CDC14A: variants seen among roughly 807,000 people sequenced by gnomAD.
The protein encoded by CDC14A is dual specificity protein phosphatase CDC14A.
A neutral mutation model predicts 74.4 loss-of-function variants in CDC14A; 53 were observed. The ratio of observed to expected loss-of-function variants is 0.71; its 90% CI spans 0.57 to 0.89. CDC14A has a LOEUF of 0.89. CDC14A is among the 40% of genes least tolerant of loss of function. The pLI is 0.00. For missense variants in CDC14A, 646 were observed against 713.7 expected, an observed-to-expected ratio of 0.91 and a Z score of 1.08; for synonymous variants, 247 against 258.4, an observed-to-expected ratio of 0.96 and a Z score of 0.43.
chr1:100,392,988 T>C, intron 4 of CDC14A: 1 of 1,209,698 alleles, frequency 8.3e-7, no homozygotes, highest in East Asian at 2.4e-5. Context: ...AAAGTTCAGA[T>C]GCCTTTTGTG....
chr1:100,440,369 C>T (rs1436579006), intron 6 of CDC14A, among the ~76,000 whole-genome samples: 1 of 152,034 alleles, frequency 6.6e-6, no homozygotes, highest in Non-Finnish European at 1.5e-5. Context: ...TTGGTCCCAC[C>T]CCAGACCCAC....
intron 4 of CDC14A, among the ~76,000 whole-genome samples, chr1:100,399,615 A>G (rs1047176534): frequency 4.6e-5 from 7 of 152,170 alleles, no homozygotes; most frequent in Non-Finnish European, 7.4e-5. Context: ...GTTTTTATTT[A>G]TAGATTTATT....
At chr1:100,371,494 T>A (rs899016487) in intron 2 of CDC14A, among the ~76,000 whole-genome samples, 12 of 152,216 alleles carry the variant, frequency 7.9e-5, no homozygotes, top group African/African-American at 2.7e-4. Context: ...TTGTTAAGGA[T>A]TTTTACCATG....
intron 7 of CDC14A, among the ~76,000 whole-genome samples, chr1:100,452,031 A>G (rs1209363467): frequency 6.6e-6 from 1 of 152,210 alleles, no homozygotes; most frequent in East Asian, 1.9e-4. Context: ...CTGTTTCTGC[A>G]TGTTTTCCTA....
chr1:100,404,081 C>T (rs892136848), intron 4 of CDC14A, among the ~76,000 whole-genome samples: 1 of 148,666 alleles, frequency 6.7e-6, no homozygotes, highest in Non-Finnish European at 1.5e-5. Flanking sequence ...TTAAACCCCT[C>T]TTCATGAGCA....
At chr1:100,512,851 C>T (rs1649899575) in intron 15 of CDC14A, among the ~76,000 whole-genome samples, 1 of 152,126 alleles carries the variant, frequency 6.6e-6, no homozygotes, top group East Asian at 1.9e-4. Context: ...AATATGATGC[C>T]AATAAAACCA....
intron 15 of CDC14A, among the ~76,000 whole-genome samples, chr1:100,504,295 T>C (rs568529712): frequency 3.3e-5 from 5 of 152,344 alleles, no homozygotes; most frequent in African/African-American, 1.2e-4. Context: ...ATAGTGAAGG[T>C]TGTAGGTAAT....
chr1:100,489,305 T>C (rs1483345439), intron 11 of CDC14A, among the ~76,000 whole-genome samples: 3 of 152,198 alleles, frequency 2.0e-5, no homozygotes, highest in Non-Finnish European at 4.4e-5. Flanking sequence ...TTTTACTCAT[T>C]TCTATTTAAA....
At chr1:100,359,519 G>C (rs1356081648) in intron 2 of CDC14A, among the ~76,000 whole-genome samples, 2 of 152,184 alleles carry the variant, frequency 1.3e-5, no homozygotes, top group African/African-American at 4.8e-5. Context: ...ATGTGCCACT[G>C]ACAGTATATG....
At chr1:100,489,316 C>T (rs889083387) in intron 11 of CDC14A, among the ~76,000 whole-genome samples, 5 of 152,096 alleles carry the variant, frequency 3.3e-5, no homozygotes, top group African/African-American at 1.2e-4. Flanking sequence ...TCTATTTAAA[C>T]TGTCTATTTA....
chr1:100,354,259 C>T (rs1275741580), intron 2 of CDC14A, among the ~76,000 whole-genome samples: 3 of 152,212 alleles, frequency 2.0e-5, no homozygotes, highest in Admixed American at 6.5e-5. Flanking sequence ...TTATAGTTTA[C>T]AAGACTTCTG....
intron 15 of CDC14A, among the ~76,000 whole-genome samples, chr1:100,501,333 T>A (rs757655170): frequency 6.6e-6 from 1 of 152,160 alleles, no homozygotes; most frequent in Non-Finnish European, 1.5e-5. Flanking sequence ...GCTAGAGATA[T>A]ATAGATAATC....
At chr1:100,459,112 C>G (rs1316960643) in intron 8 of CDC14A, among the ~76,000 whole-genome samples, 6 of 147,904 alleles carry the variant, frequency 4.1e-5, no homozygotes, top group African/African-American at 1.6e-4. Flanking sequence ...CACACACACA[C>G]ACACACACAC....
chr1:100,445,004 C>T (rs914167511), intron 7 of CDC14A, among the ~76,000 whole-genome samples: 3 of 151,872 alleles, frequency 2.0e-5, no homozygotes, highest in African/African-American at 7.3e-5. Context: ...CTAAAATCCC[C>T]AAGTTAGAAA....
chr1:100,354,505 A>G (rs1651600523), intron 2 of CDC14A, among the ~76,000 whole-genome samples: 1 of 152,140 alleles, frequency 6.6e-6, no homozygotes, highest in East Asian at 1.9e-4. Context: ...TTAGGATTTG[A>G]GAGTGTAAAA....
intron 2 of CDC14A, among the ~76,000 whole-genome samples, chr1:100,356,858 TAAAAAAAAAA>T (rs11448846): frequency 4.2e-5 from 3 of 70,792 alleles, no homozygotes; most frequent in Admixed American, 1.7e-4. Context: ...AGACTCTGTC[TAAAAAAAAAA>T]AAAAAAAAAA....
At chr1:100,507,226 C>T (rs1649317495) in intron 15 of CDC14A, among the ~76,000 whole-genome samples, 1 of 152,176 alleles carries the variant, frequency 6.6e-6, no homozygotes. Flanking sequence ...TCTATTTTTG[C>T]ACTGCTGCCA....
rs558741173 is a variant in CDC14A at position 100,368,549 on chromosome 1, TA to T, written c.141-8996del. Among the ~76,000 whole-genome samples, 9 of 152,248 alleles carry T rather than the reference TA, an allele frequency of 5.9e-5. 1 individual carries two copies. In the South Asian group the frequency reaches 1.9e-3, roughly 31 times the overall value. Reference sequence around the variant, plus strand: ...GAGTTTGAAGTTGGATTGTAATGGTTAGTATGAAACTGGAATTTGATGACGA... The same window carrying T: ...GAGTTTGAAGTTGGATTGTAATGGTTGTATGAAACTGGAATTTGATGACGA... On this transcript the variant is annotated intron_variant, in intron 2 of 15. Coordinates refer to ENST00000336454, the MANE Select transcript of CDC14A (RefSeq NM_003672.4).
intron 2 of CDC14A, among the ~76,000 whole-genome samples, chr1:100,367,030 C>T (rs1166341761): frequency 6.6e-6 from 1 of 152,168 alleles, no homozygotes; most frequent in East Asian, 1.9e-4. Context: ...AGTGGGGACC[C>T]GTGCTTGGCT....
Sources: gnomAD v4.1 joint callset for allele counts (sites outside exome capture counted in the v4.1 genomes callset) on GRCh38, gnomAD v4.1.1 for gene constraint, MANE v1.5 for transcripts, NCBI Gene and HGNC (gene_info 2026-07-23, HGNC 2026-07-21) for gene names.